Variants in LRP5 observed in about 807,000 individuals in gnomAD.
LRP5 encodes LDL receptor related protein 5.
Under a neutral mutation model 154.1 loss-of-function variants are expected in LRP5, and 62 were observed. That is an observed-to-expected ratio of 0.40 (90% CI 0.33 to 0.50). The LOEUF (loss-of-function observed/expected upper bound fraction) is 0.50. Among genes scored for constraint, LRP5 ranks in the 20% least tolerant of loss-of-function variants. LRP5 has a pLI of 0.55. For missense variants in LRP5, 1,915 were observed against 2,336.7 expected (o/e 0.82, Z 3.72); for synonymous variants, 966 against 1,011.5 (o/e 0.96, Z 0.85).
At chr11:68,367,780 C>T (rs529754698) in intron 5 of LRP5, among the ~76,000 whole-genome samples, 6 of 152,164 alleles carry the variant, frequency 3.9e-5, no homozygotes, top group South Asian at 2.1e-4. Flanking sequence ...ACAGGCAGCT[C>T]GGGCCGGGCG....
At chr11:68,342,214 C>T (rs1442749221) in intron 1 of LRP5, among the ~76,000 whole-genome samples, 5 of 152,090 alleles carry the variant, frequency 3.3e-5, no homozygotes, top group African/African-American at 1.2e-4. Flanking sequence ...GCTACGGAGC[C>T]GGCCCTTCCC....
intron 3 of LRP5, among the ~76,000 whole-genome samples, chr11:68,361,654 A>T (rs1283235474): frequency 6.6e-6 from 1 of 150,650 alleles, no homozygotes; most frequent in African/African-American, 2.4e-5. Flanking sequence ...CAAAAACAAA[A>T]AAAAATAAAA....
chr11:68,416,608 T>C, intron 13 of LRP5, 81 bp downstream of exon 13: 1 of 1,339,602 alleles, frequency 7.5e-7, no homozygotes, highest in South Asian at 1.2e-5. Context: ...GCCCCTGTCC[T>C]TAGCAGAGGG....
At chr11:68,366,029 C>T (rs1034337361) in intron 5 of LRP5, among the ~76,000 whole-genome samples, 3 of 151,842 alleles carry the variant, frequency 2.0e-5, no homozygotes, top group Non-Finnish European at 2.9e-5. Context: ...TCCTCTGGGG[C>T]ACCGGCTGAG....
At chr11:68,359,087 A>C (rs1485680203) in intron 3 of LRP5, among the ~76,000 whole-genome samples, 5 of 152,234 alleles carry the variant, frequency 3.3e-5, no homozygotes, top group African/African-American at 1.2e-4. Flanking sequence ...TGTGTAACAA[A>C]ACAGCCCACA....
chr11:68,337,571 T>A (rs1002482593), intron 1 of LRP5, among the ~76,000 whole-genome samples: 4 of 151,972 alleles, frequency 2.6e-5, no homozygotes, highest in African/African-American at 9.7e-5. Flanking sequence ...CAGCCAGGTC[T>A]ACCCACAGTC....
intron 7 of LRP5, among the ~76,000 whole-genome samples, chr11:68,401,592 G>A (rs2098652649): frequency 6.6e-6 from 1 of 152,210 alleles, no homozygotes; most frequent in Non-Finnish European, 1.5e-5. Flanking sequence ...ACCCATGGGG[G>A]TGCAAGGACT....
intron 2 of LRP5, among the ~76,000 whole-genome samples, chr11:68,356,556 C>G (rs1362751921): frequency 6.6e-6 from 1 of 152,234 alleles, no homozygotes; most frequent in Non-Finnish European, 1.5e-5. Context: ...ACACAGCCTT[C>G]CCAACTGTCA....
chr11:68,316,867 G>A (rs898148638), intron 1 of LRP5, among the ~76,000 whole-genome samples: 1 of 152,218 alleles, frequency 6.6e-6, no homozygotes, highest in African/African-American at 2.4e-5. Context: ...GCAGAGTGAG[G>A]GCCAAGTTCA....
Position 68,312,749 on chromosome 11 carries a change from T to TGC in LRP5, c.36_37dup (p.Leu13ArgfsTer71). ...GCGCCGCCCGGGCCGCCGTGGCCGC[T>TGC]GCTGCTGCTGCTGCTGCTGCTGCTG... On this transcript the variant is annotated frameshift_variant, in exon 1 of 23. Transcript: ENST00000294304. LOFTEE classifies it high-confidence loss of function. The TGC allele has an allele frequency of 2.6e-6, 2 of 758,708 alleles. No individual in the cohort carries two copies. The highest frequency in any genetic ancestry group is 3.3e-6 in the Non-Finnish European group (2 of 608,126). 47.0% of individuals were successfully genotyped at this position (758,708 alleles called of 1,614,324 possible). A position where few individuals can be genotyped will look rare whatever the true frequency, so the allele number is the denominator to read the frequency against.
intron 1 of LRP5, among the ~76,000 whole-genome samples, chr11:68,347,132 A>T (rs1018472232): frequency 3.9e-5 from 6 of 152,204 alleles, no homozygotes; most frequent in African/African-American, 1.4e-4. Flanking sequence ...CTTGGAGGCC[A>T]GGCTAGGGGG....
chr11:68,405,120 T>C (rs2098654862), intron 8 of LRP5, among the ~76,000 whole-genome samples: 1 of 150,878 alleles, frequency 6.6e-6, no homozygotes. Context: ...ATCGTACCAC[T>C]GCCCTCCACC....
In LRP5 at chr11:68,347,902, C is replaced by T. The variant is rs1215326035; in HGVS notation, c.147C>T (p.Gly49=). 5.6e-6 allele frequency: 9 copies of T among 1,613,264 alleles called. No individual in the cohort carries two copies. Among genetic ancestry groups the T allele is most frequent in the East Asian group, 2.2e-5 (1 of 44,886 alleles). The part of the protein sequence containing the change: ...NRRDVRLVDA[G]GVKLESTIVV... ...GGGACGTACGGCTGGTGGACGCCGG[C>T]GGAGTCAAGCTGGAGTCCACCATCG... is the stretch of plus-strand genomic sequence containing the variant. The change falls in exon 2 of 23, where the codon GGC becomes GGT. Residue 49 remains glycine (G), a synonymous_variant. Coordinates refer to ENST00000294304, the MANE Select transcript of LRP5 (RefSeq NM_002335.4).
At chr11:68,374,275 G>A (rs528909455) in intron 5 of LRP5, among the ~76,000 whole-genome samples, 28 of 152,320 alleles carry the variant, frequency 1.8e-4, no homozygotes, top group African/African-American at 5.3e-4. Context: ...GCTCGGGGCC[G>A]AATAACGGGC....
intron 19 of LRP5, among the ~76,000 whole-genome samples, chr11:68,437,314 G>A (rs2098675588): frequency 6.6e-6 from 1 of 152,252 alleles, no homozygotes; most frequent in Admixed American, 6.5e-5. Flanking sequence ...GATTACCCGA[G>A]GGCTGCAGTG....
At chr11:68,351,370 C>G (rs932197448) in intron 2 of LRP5, among the ~76,000 whole-genome samples, 1 of 152,162 alleles carries the variant, frequency 6.6e-6, no homozygotes, top group Non-Finnish European at 1.5e-5. Context: ...CAGCCCTCTC[C>G]CCCTGCACTG....
At chr11:68,338,828 C>T (rs1380108304) in intron 1 of LRP5, among the ~76,000 whole-genome samples, 1 of 148,046 alleles carries the variant, frequency 6.8e-6, no homozygotes, top group Non-Finnish European at 1.5e-5. Context: ...ATGAAGTTCA[C>T]TTGACAACAT....
At position 68,341,011 on chromosome 11, in the gene LRP5, C is replaced by G. The variant is rs73496734; in HGVS notation, c.92-6836C>G. Among the ~76,000 whole-genome samples the G allele has an allele frequency of 4.1e-3, 580 of 142,916 alleles. 6 individuals carry two copies. The highest frequency in any genetic ancestry group is 0.014 in the African/African-American group (520 of 37,992). 93.8% of individuals were successfully genotyped at this position (142,916 alleles called of 152,430 possible). A position where few individuals can be genotyped will look rare whatever the true frequency, so the allele number is the denominator to read the frequency against. On this transcript the variant is annotated intron_variant, in intron 1 of 22. Transcript: ENST00000294304. Reference sequence around the variant, plus strand: ...TTTGTTACTAGTTAATTGGTGCTACCTTTCCACGGAGACAATAGTCTAGTT... The same window carrying G: ...TTTGTTACTAGTTAATTGGTGCTACGTTTCCACGGAGACAATAGTCTAGTT...
rs1376941851 is a variant in LRP5 at position 68,344,904 on chromosome 11, C to CTAG, written c.92-2942_92-2940dup. Among the ~76,000 whole-genome samples the CTAG allele has an allele frequency of 4.7e-5, 5 of 107,360 alleles. No homozygotes were observed. The East Asian group carries it at 1.6e-3, about 35-fold the overall frequency. 70.4% of individuals were successfully genotyped at this position (107,360 alleles called of 152,430 possible). ...TGCAGACAGAGTCTCGCTCTGTCATCTAGACTGGAGTTCAGTGGCACGATC... is the reference window on the plus strand; with the variant it reads ...TGCAGACAGAGTCTCGCTCTGTCATCTAGTAGACTGGAGTTCAGTGGCACGATC... On this transcript the variant is annotated intron_variant, in intron 1 of 22. Transcript: ENST00000294304.
Sources: gnomAD v4.1 joint callset for allele counts (sites outside exome capture counted in the v4.1 genomes callset) on GRCh38, gnomAD v4.1.1 for gene constraint, MANE v1.5 for transcripts, NCBI Gene and HGNC (gene_info 2026-07-23, HGNC 2026-07-21) for gene names.